The following SUMF1 variants were observed in gnomAD, a reference collection of about 807,000 sequenced individuals.
SUMF1 encodes the protein sulfatase modifying factor 1.
Under a neutral mutation model 47.6 loss-of-function variants are expected in SUMF1, and 48 were observed. The ratio of observed to expected loss-of-function variants is 1.01; its 90% CI spans 0.80 to 1.28. SUMF1 has a LOEUF of 1.28. Among genes scored for constraint, SUMF1 ranks in the 50% most tolerant of loss-of-function variants. The pLI, the probability that SUMF1 is intolerant of heterozygous loss-of-function variation, is 0.00. For synonymous variants in SUMF1, 230 were observed against 192.1 expected (o/e 1.20, Z -1.63); for missense variants, 571 against 485.4 (o/e 1.18, Z -1.66).
chr3:4,448,216 G>C (rs529492049), intron 3 of SUMF1, among the ~76,000 whole-genome samples: 59 of 152,264 alleles, frequency 3.9e-4, no homozygotes, highest in African/African-American at 1.3e-3. Flanking sequence ...AGCAAGTCTT[G>C]TTTTACCTCA....
At chr3:4,043,600 A>G (rs961749765) in intron 9 of SUMF1, among the ~76,000 whole-genome samples, 11 of 151,846 alleles carry the variant, frequency 7.2e-5, no homozygotes, top group Admixed American at 2.6e-4. Flanking sequence ...GTTCTCTATT[A>G]ATTTAAAAGC....
intron 8 of SUMF1, among the ~76,000 whole-genome samples, chr3:4,102,765 CT>C (rs1437219625): frequency 6.6e-6 from 1 of 151,330 alleles, no homozygotes; most frequent in African/African-American, 2.4e-5. Context: ...TTGATAGGTG[CT>C]TGATAAATTA....
chr3:4,164,120 G>A (rs532870708), intron 8 of SUMF1, among the ~76,000 whole-genome samples: 9 of 152,196 alleles, frequency 5.9e-5, no homozygotes, highest in Non-Finnish European at 7.4e-5. Context: ...CCCTAATAAC[G>A]GTGTGGGACT....
At position 4,362,239 on chromosome 3, in the gene SUMF1, A is replaced by C; in HGVS notation, c.1030T>G (p.Tyr344Asp). The C allele has an allele frequency of 1.2e-6, 2 of 1,614,136 alleles. No homozygotes were observed. Among genetic ancestry groups the C allele is most frequent in the Non-Finnish European group, 1.7e-6 (2 of 1,179,990 alleles). The change falls in exon 9 of 9, where the codon TAT becomes GAT. Residue 344 changes from tyrosine (Y) to aspartate (D), a missense_variant. Coordinates refer to ENST00000272902, the MANE Select transcript of SUMF1 (RefSeq NM_182760.4). ...TTCTGGCTCCGAGCAGCACAGCGAT[A>C]CCTGTAACAATAAGACTGTGTAGAG... ...YMCHRSYCYR[Y>D]RCAARSQNTP...
At chr3:4,458,834 C>G (rs1188752867) in intron 1 of SUMF1, among the ~76,000 whole-genome samples, 1 of 151,936 alleles carries the variant, frequency 6.6e-6, no homozygotes, top group Non-Finnish European at 1.5e-5. Flanking sequence ...CCAGCCTGGG[C>G]AACAGAGCTA....
intron 7 of SUMF1, among the ~76,000 whole-genome samples, chr3:4,386,763 GTTT>G (rs1194352671): frequency 1.3e-5 from 2 of 151,892 alleles, no homozygotes; most frequent in African/African-American, 4.8e-5. Context: ...TCTTTACTAA[GTTT>G]GAGAAAATCT....
At chr3:4,112,850 C>T (rs1693339125) in intron 8 of SUMF1, among the ~76,000 whole-genome samples, 1 of 152,118 alleles carries the variant, frequency 6.6e-6, no homozygotes, top group African/African-American at 2.4e-5. Flanking sequence ...TACCAACAAA[C>T]TCAAATAATT....
intron 8 of SUMF1, among the ~76,000 whole-genome samples, chr3:4,292,539 T>G (rs1269835913): frequency 6.6e-6 from 1 of 152,236 alleles, no homozygotes; most frequent in Non-Finnish European, 1.5e-5. Context: ...CAAAGGACAC[T>G]GTCAAACACA....
intron 8 of SUMF1, among the ~76,000 whole-genome samples, chr3:4,305,331 C>A (rs1209310832): frequency 6.6e-6 from 1 of 152,166 alleles, no homozygotes. Flanking sequence ...AGTGATCCAC[C>A]CACCTGGGCC....
chr3:4,184,940 G>T (rs558251237), intron 8 of SUMF1, among the ~76,000 whole-genome samples: 4 of 151,974 alleles, frequency 2.6e-5, no homozygotes, highest in African/African-American at 9.7e-5. Flanking sequence ...GTGAGCCACC[G>T]CACCTGGCCT....
At chr3:4,416,792 T>C (rs555321104) in intron 6 of SUMF1, among the ~76,000 whole-genome samples, 1 of 152,242 alleles carries the variant, frequency 6.6e-6, no homozygotes, top group Admixed American at 6.5e-5. Context: ...ATTATTAGCA[T>C]CATCAACACA....
chr3:4,094,557 A>G (rs1378191860), intron 8 of SUMF1, among the ~76,000 whole-genome samples: 2 of 152,052 alleles, frequency 1.3e-5, no homozygotes, highest in Non-Finnish European at 2.9e-5. Flanking sequence ...ACACAGAGTG[A>G]CCATAAGTCC....
intron 8 of SUMF1, among the ~76,000 whole-genome samples, chr3:4,198,998 T>C (rs1388057876): frequency 6.6e-6 from 1 of 152,176 alleles, no homozygotes; most frequent in East Asian, 1.9e-4. Context: ...AACAACTTTT[T>C]AAAGTGCAAT....
At chr3:4,042,396 G>A (rs1414151879) in intron 9 of SUMF1, among the ~76,000 whole-genome samples, 1 of 151,968 alleles carries the variant, frequency 6.6e-6, no homozygotes, top group Non-Finnish European at 1.5e-5. Context: ...CATGAAGAGA[G>A]GATTCTCATA....
chr3:4,054,320 T>A (rs1377283374), intron 9 of SUMF1, among the ~76,000 whole-genome samples: 1 of 152,162 alleles, frequency 6.6e-6, no homozygotes, highest in Non-Finnish European at 1.5e-5. Flanking sequence ...ATCACAGGAA[T>A]GATAAAATCT....
At chr3:4,037,691 G>A (rs1268490572) in intron 9 of SUMF1, among the ~76,000 whole-genome samples, 2 of 152,134 alleles carry the variant, frequency 1.3e-5, no homozygotes, top group African/African-American at 4.8e-5. Context: ...AACCCTTGTT[G>A]GAGAACTGAT....
chr3:4,039,625 T>A (rs185936592), intron 9 of SUMF1, among the ~76,000 whole-genome samples: 1 of 151,692 alleles, frequency 6.6e-6, no homozygotes, highest in Non-Finnish European at 1.5e-5. Context: ...TCTATCATTG[T>A]TGGACATTTG....
At chr3:4,317,141 A>T (rs750765962) in intron 8 of SUMF1, 36 of 1,547,720 alleles carry the variant, frequency 2.3e-5, no homozygotes, top group Non-Finnish European at 3.0e-5. Context: ...ATGCTTTCCA[A>T]GAGTTCGTCG....
At chr3:4,112,763 C>A (rs1035688062) in intron 8 of SUMF1, among the ~76,000 whole-genome samples, 4 of 152,100 alleles carry the variant, frequency 2.6e-5, no homozygotes, top group Non-Finnish European at 4.4e-5. Context: ...CTTGAGATTT[C>A]TTCTTATCCC....
Sources: gnomAD v4.1 joint callset for allele counts (sites outside exome capture counted in the v4.1 genomes callset) on GRCh38, gnomAD v4.1.1 for gene constraint, MANE v1.5 for transcripts, NCBI Gene and HGNC (gene_info 2026-07-23, HGNC 2026-07-21) for gene names.